Variants in GPR20 observed in about 807,000 individuals in gnomAD.
The protein encoded by GPR20 is CTD-3064M3.3.
For synonymous variants in GPR20, 241 were observed against 241.9 expected (o/e 1.00, Z 0.04); for missense variants, 494 against 527.4 (o/e 0.94, Z 0.62).
chr8:141,363,531 C>T (rs1831769881), intron 1 of GPR20, among the ~76,000 whole-genome samples: 1 of 152,260 alleles, frequency 6.6e-6, no homozygotes, highest in South Asian at 2.1e-4. Context: ...ATGCCCAGAG[C>T]ACTGATGGGG....
At chr8:141,363,896 CT>C in intron 1 of GPR20, among the ~76,000 whole-genome samples, 1 of 152,372 alleles carries the variant, frequency 6.6e-6, no homozygotes, top group African/African-American at 2.4e-5. Flanking sequence ...GCTCAGGACC[CT>C]GTGTGCTGTC....
At chr8:141,360,509 A>AC (rs1306452682) in intron 1 of GPR20, among the ~76,000 whole-genome samples, 1 of 151,446 alleles carries the variant, frequency 6.6e-6, no homozygotes, top group South Asian at 2.1e-4. Context: ...CATATTGTCA[A>AC]CCCCCACCTG....
chr8:141,365,195 CA>C (rs1476399437), intron 1 of GPR20, among the ~76,000 whole-genome samples: 6 of 152,226 alleles, frequency 3.9e-5, no homozygotes, highest in African/African-American at 1.4e-4. Flanking sequence ...GCCCCTGCCC[CA>C]GGGGGAGAGC....
chr8:141,356,755 A>T lies in GPR20; in HGVS notation c.*92T>A. ...GGGTAGCCATCACCAATCAATCGAGATGGAACCGATTGCCACCCCTGGCAT... is the reference window on the plus strand; with the variant it reads ...GGGTAGCCATCACCAATCAATCGAGTTGGAACCGATTGCCACCCCTGGCAT... On this transcript the variant is annotated 3_prime_UTR_variant, in exon 2 of 2. Transcript: ENST00000377741. 1.2e-6 allele frequency: 1 copy of T among 851,918 alleles called. No homozygotes were observed. The highest frequency in any genetic ancestry group is 1.8e-6 in the Non-Finnish European group (1 of 545,838). The allele number at this position is 851,918 out of a possible 1,614,324, so 52.8% of individuals were successfully genotyped here.
chr8:141,359,366 G>T (rs1428869063), intron 1 of GPR20, among the ~76,000 whole-genome samples: 1 of 152,212 alleles, frequency 6.6e-6, no homozygotes, highest in Non-Finnish European at 1.5e-5. Flanking sequence ...CCCTCCAGTC[G>T]GCGGCCACCT....
Position 141,361,173 on chromosome 8 carries a change from C to T in GPR20, c.-24-3226G>A, listed in dbSNP as rs559263530. 2.0e-5 allele frequency among the ~76,000 whole-genome samples: 3 copies of T among 152,328 alleles called. No homozygotes were observed. In the East Asian group the frequency reaches 5.8e-4, roughly 29 times the overall value. On this transcript the variant is annotated intron_variant, in intron 1 of 1. Coordinates refer to ENST00000377741, the MANE Select transcript of GPR20 (RefSeq NM_005293.3). ...GGTGTTGGGGCTCAGGGCCTGGAGG[C>T]TGTGCCAGGGCTGGGAGGTTTCTCT...
rs374912872 is a variant in GPR20 at position 141,361,245 on chromosome 8, C to T, written c.-24-3298G>A. ...TCTGCTCCCCACCCACACACAGGTA[C>T]TTCCTTGGGGACAGAACAGAGGGAA... On this transcript the variant is annotated intron_variant, in intron 1 of 1. Coordinates refer to ENST00000377741, the MANE Select transcript of GPR20 (RefSeq NM_005293.3). 1.3e-3 allele frequency among the ~76,000 whole-genome samples: 191 copies of T among 152,326 alleles called. 2 individuals are homozygous for T. Among genetic ancestry groups the T allele is most frequent in the African/African-American group, 4.5e-3 (185 of 41,572 alleles).
chr8:141,357,789 C>T lies in GPR20; in HGVS notation c.135G>A (p.Leu45=). Residue 45 remains leucine, a synonymous_variant, in exon 2 of 2, where the codon CTG becomes CTA. Transcript: ENST00000377741. The part of the protein sequence containing the change: ...FHLFARLDEE[L]HGTFPGLWLA... ...GCCACAGGCCTGGGAAGGTGCCATG[C>T]AGCTCCTCGTCCAGCCGGGCAAACA... is the stretch of plus-strand genomic sequence containing the variant. 1.9e-6 allele frequency: 3 copies of T among 1,613,412 alleles called. No homozygotes were observed. The highest frequency in any genetic ancestry group is 2.5e-6 in the Non-Finnish European group (3 of 1,179,950).
intron 1 of GPR20, among the ~76,000 whole-genome samples, chr8:141,359,362 A>G (rs1831699760): frequency 6.6e-6 from 1 of 152,232 alleles, no homozygotes; most frequent in African/African-American, 2.4e-5. Flanking sequence ...AGGTCCCTCC[A>G]GTCGGCGGCC....
At chr8:141,363,363 C>T (rs551640267) in intron 1 of GPR20, among the ~76,000 whole-genome samples, 3 of 152,368 alleles carry the variant, frequency 2.0e-5, no homozygotes, top group African/African-American at 4.8e-5. Flanking sequence ...AGGGCCAACA[C>T]GTGTGCTCAG....
chr8:141,358,630 T>C (rs1831688298), intron 1 of GPR20, among the ~76,000 whole-genome samples: 1 of 152,174 alleles, frequency 6.6e-6, no homozygotes, highest in Non-Finnish European at 1.5e-5. Context: ...CCCCTCCTCC[T>C]AGGCCAGCAT....
Position 141,357,327 on chromosome 8 carries a change from C to T in GPR20, c.597G>A (p.Ala199=), listed in dbSNP as rs764749985. The T allele has an allele frequency of 9.1e-6, 14 of 1,545,308 alleles. No individual in the cohort carries two copies. Among genetic ancestry groups the T allele is most frequent in the East Asian group, 4.8e-5 (2 of 41,342 alleles). The change falls in exon 2 of 2, where the codon GCG becomes GCA. Residue 199 remains alanine (A), a synonymous_variant. Coordinates refer to ENST00000377741, the MANE Select transcript of GPR20 (RefSeq NM_005293.3). The part of the protein sequence containing the change: ...TGSRPCCRVF[A]LTVLEFLLPL... ...GCAGCAGGAACTCCAGGACAGTCAG[C>T]GCAAAGACACGGCAGCAGGGCCGGC...
At chr8:141,360,847 C>G (rs781579994) in intron 1 of GPR20, among the ~76,000 whole-genome samples, 34 of 152,202 alleles carry the variant, frequency 2.2e-4, no homozygotes, top group Non-Finnish European at 4.1e-4. Flanking sequence ...GTAGGCTGGC[C>G]GTCCTCATCT....
chr8:141,367,118 C>A (rs1226907023), intron 1 of GPR20, 83 bp downstream of exon 1: 1 of 152,236 alleles, frequency 6.6e-6, no homozygotes, highest in Non-Finnish European at 1.5e-5. Flanking sequence ...GGGGTGAGAA[C>A]CCCTGCAGGG....
intron 1 of GPR20, among the ~76,000 whole-genome samples, chr8:141,363,854 C>T (rs1364597000): frequency 6.6e-6 from 1 of 152,244 alleles, no homozygotes; most frequent in Admixed American, 6.5e-5. Context: ...GCAGATGGCC[C>T]AGGGTGGCTG....
In GPR20 at chr8:141,357,321, A is replaced by G. The variant is rs1034626808; in HGVS notation, c.603T>C (p.Thr201=). The G allele has an allele frequency of 3.0e-5, 47 of 1,544,682 alleles. No homozygotes were observed. Among genetic ancestry groups the G allele is most frequent in the Non-Finnish European group, 3.6e-5 (41 of 1,149,920 alleles). Residue 201 remains threonine, a synonymous_variant, in exon 2 of 2, where the codon ACT becomes ACC. Transcript: ENST00000377741. ...GCAGGGGCAGCAGGAACTCCAGGAC[A>G]GTCAGCGCAAAGACACGGCAGCAGG... ...SRPCCRVFAL[T]VLEFLLPLLV...
chr8:141,365,401 T>A (rs537302213), intron 1 of GPR20, among the ~76,000 whole-genome samples: 5 of 152,358 alleles, frequency 3.3e-5, no homozygotes. Context: ...TCAATCTGCC[T>A]GCTGGCACTT....
In GPR20 at chr8:141,357,235, T is replaced by C. The variant is rs10875472; in HGVS notation, c.689A>G (p.His230Arg). Residue 230 changes from histidine to arginine, a missense_variant, in exon 2 of 2, where the codon CAC becomes CGC. His to Arg is a conservative substitution (Grantham distance 29). Transcript: ENST00000377741. Reference protein sequence around the residue: ...MCALSRPGLLHQGRQRRVRAM... With the variant: ...MCALSRPGLLRQGRQRRVRAM... ...CCGCACGCGGCGCTGGCGACCCTGG[T>C]GGAGCAGACCCGGCCGCGACAGTGC... 1,234,315 of 1,551,784 alleles carry C rather than the reference T, an allele frequency of 0.8. 493,088 individuals are homozygous for C. Among genetic ancestry groups the C allele is most frequent in the African/African-American group, 0.85 (62,819 of 73,598 alleles).
In GPR20 at chr8:141,357,609, G is replaced by A; in HGVS notation, c.315C>T (p.Ser105=). The change falls in exon 2 of 2, where the codon TCC becomes TCT. Residue 105 remains serine, a synonymous_variant. Transcript: ENST00000377741. The stretch of plus-strand genomic sequence containing the variant: ...AGTACACAGCGAAGCGCGTGGGCAG[G>A]GACAGCCCTACCAGTAGATCGGTCA... ...LVVTDLLVGL[S]LPTRFAVYYG... is the part of the protein sequence containing the mutation. The A allele has an allele frequency of 6.2e-7, 1 of 1,613,970 alleles. No homozygotes were observed. Among genetic ancestry groups the A allele is most frequent in the Non-Finnish European group, 8.5e-7 (1 of 1,180,014 alleles).
Sources: gnomAD v4.1 joint callset for allele counts (sites outside exome capture counted in the v4.1 genomes callset) on GRCh38, gnomAD v4.1.1 for gene constraint, MANE v1.5 for transcripts, NCBI Gene and HGNC (gene_info 2026-07-23, HGNC 2026-07-21) for gene names.